Variants in GNA12 observed in about 807,000 individuals in gnomAD.
GNA12 encodes G protein subunit alpha 12.
A neutral mutation model predicts 26.0 loss-of-function variants in GNA12; 9 were observed. The ratio of observed to expected loss-of-function variants is 0.35; its 90% confidence interval spans 0.21 to 0.60. The LOEUF is 0.60. Ranked by LOEUF, GNA12 falls within the 20% of genes least tolerant of loss-of-function variation. The pLI is 0.78. For missense variants in GNA12, 405 were observed against 525.8 expected, an observed-to-expected ratio of 0.77 and a Z score of 2.25; for synonymous variants, 264 against 219.6, an observed-to-expected ratio of 1.20 and a Z score of -1.79.
intron 2 of GNA12, among the ~76,000 whole-genome samples, chr7:2,749,832 T>G (rs1790941322): frequency 6.6e-6 from 1 of 152,002 alleles, no homozygotes; most frequent in Non-Finnish European, 1.5e-5. Context: ...CCACTGAAAT[T>G]AGATTAATAG....
intron 2 of GNA12, among the ~76,000 whole-genome samples, chr7:2,789,158 C>T (rs1444004006): frequency 2.0e-4 from 5 of 24,698 alleles, no homozygotes; most frequent in African/African-American, 5.1e-4. Flanking sequence ...TTTTTTGAGA[C>T]GGAGTCTCGC....
Position 2,809,560 on chromosome 7 carries a change from A to T in GNA12, c.310-14417T>A, listed in dbSNP as rs561708457. 5.3e-5 allele frequency among the ~76,000 whole-genome samples: 8 copies of T among 152,238 alleles called. No homozygotes were observed. In the South Asian group the frequency reaches 1.7e-3, roughly 32 times the overall value. On this transcript the variant is annotated intron_variant, in intron 1 of 3. Coordinates refer to ENST00000275364, the MANE Select transcript of GNA12 (RefSeq NM_007353.3). ...AATGGATCTGAAAATTCCTCCTAAA[A>T]CTACCTCCTTTTCGTATGTCAAAGA...
chr7:2,782,528 G>A (rs1792255631), intron 2 of GNA12, among the ~76,000 whole-genome samples: 1 of 152,150 alleles, frequency 6.6e-6, no homozygotes, highest in African/African-American at 2.4e-5. Flanking sequence ...GCCTGCTGTA[G>A]CTTTTGGGAA....
intron 1 of GNA12, among the ~76,000 whole-genome samples, chr7:2,820,928 A>G (rs569314246): frequency 6.6e-6 from 1 of 152,198 alleles, no homozygotes; most frequent in South Asian, 2.1e-4. Flanking sequence ...TCTGATAGAG[A>G]TGGGATCTCA....
rs549291732 is a variant in GNA12 at position 2,808,268 on chromosome 7, G to A, written c.310-13125C>T. Among the ~76,000 whole-genome samples the A allele has an allele frequency of 2.0e-5, 3 of 152,210 alleles. No individual in the cohort carries two copies. In the South Asian group the frequency reaches 6.2e-4, roughly 32 times the overall value. ...AGTAGTGCTACCCGACACCCACCTA[G>A]AGCAGCGCCTTCAGTGCTTACGGCC... On this transcript the variant is annotated intron_variant, in intron 1 of 3. Coordinates refer to ENST00000275364, the MANE Select transcript of GNA12 (RefSeq NM_007353.3).
At chr7:2,750,277 T>G (rs893829582) in intron 2 of GNA12, among the ~76,000 whole-genome samples, 1 of 152,204 alleles carries the variant, frequency 6.6e-6, no homozygotes, top group Non-Finnish European at 1.5e-5. Flanking sequence ...GACACACTGC[T>G]GCCCCCAAAC....
chr7:2,748,444 A>G (rs1029361390), intron 2 of GNA12, among the ~76,000 whole-genome samples: 4 of 152,272 alleles, frequency 2.6e-5, no homozygotes, highest in Admixed American at 1.3e-4. Flanking sequence ...TGCTGGGAAA[A>G]CTGGCTAGCC....
rs145886062 is a variant in GNA12, at chr7:2,742,614, A to G, written c.526-9113T>C. 8.5e-5 allele frequency among the ~76,000 whole-genome samples: 13 copies of G among 152,206 alleles called. No homozygotes were observed. In the East Asian group the frequency reaches 2.5e-3, roughly 29 times the overall value. On this transcript the variant is annotated intron_variant, in intron 2 of 3. Transcript: ENST00000275364. ...AGTCTCGCCGGCCCTTTGCGTTTCC[A>G]TATTAGTTCTAAAGTCAGCTGTCAA...
intron 3 of GNA12, among the ~76,000 whole-genome samples, chr7:2,733,058 ATT>A (rs1373194012): frequency 6.6e-6 from 1 of 152,196 alleles, no homozygotes; most frequent in Non-Finnish European, 1.5e-5. Flanking sequence ...ACTCTAAAAT[ATT>A]CTCTGCATTT....
rs146423123 is a variant in GNA12 at position 2,816,672 on chromosome 7, T to C, written c.310-21529A>G. On this transcript the variant is annotated intron_variant, in intron 1 of 3. Coordinates refer to ENST00000275364, the MANE Select transcript of GNA12 (RefSeq NM_007353.3). ...ATAATTATCCAGCTCATGCCAGGGT[T>C]TCCTCGGTGGGAAGGGCAGTAGCAG... 9.0e-4 allele frequency among the ~76,000 whole-genome samples: 137 copies of C among 152,368 alleles called. 1 individual carries two copies. In the East Asian group the frequency reaches 0.023, roughly 26 times the overall value.
chr7:2,822,531 C>T (rs1331077540), intron 1 of GNA12, among the ~76,000 whole-genome samples: 3 of 152,166 alleles, frequency 2.0e-5, no homozygotes, highest in African/African-American at 4.8e-5. Flanking sequence ...GCTGCTTGAG[C>T]CCAAGAGCGT....
At position 2,754,272 on chromosome 7, in the gene GNA12, G is replaced by C. The variant is rs151023052; in HGVS notation, c.526-20771C>G. On this transcript the variant is annotated intron_variant, in intron 2 of 3. Coordinates refer to ENST00000275364, the MANE Select transcript of GNA12 (RefSeq NM_007353.3). ...TGTCTTCTCGTGCTTATGTGCCATC[G>C]GCATGTCCTCTTTGGTGAAATCACT... Among the ~76,000 whole-genome samples the C allele has an allele frequency of 2.3e-3, 356 of 152,226 alleles. 1 individual carries two copies. The highest frequency in any genetic ancestry group is 8.2e-3 in the African/African-American group (341 of 41,518).
At chr7:2,790,149 C>T (rs537962731) in intron 2 of GNA12, among the ~76,000 whole-genome samples, 1 of 152,352 alleles carries the variant, frequency 6.6e-6, no homozygotes, top group South Asian at 2.1e-4. Context: ...GTCATTCTAC[C>T]TGCCTTTAGA....
chr7:2,755,569 A>G (rs1396012086), intron 2 of GNA12, among the ~76,000 whole-genome samples: 1 of 152,232 alleles, frequency 6.6e-6, no homozygotes, highest in Admixed American at 6.5e-5. Context: ...CTATAGAAGT[A>G]AAATTTATAT....
intron 2 of GNA12, among the ~76,000 whole-genome samples, chr7:2,775,099 T>C (rs1163582370): frequency 1.3e-5 from 2 of 152,218 alleles, no homozygotes; most frequent in African/African-American, 2.4e-5. Context: ...AGTTTTTGGA[T>C]AGACAATACA....
At chr7:2,843,090 G>A (rs1376009449) in intron 1 of GNA12, among the ~76,000 whole-genome samples, 2 of 150,038 alleles carry the variant, frequency 1.3e-5, no homozygotes, top group Non-Finnish European at 3.0e-5. Context: ...CTGGGCAAGA[G>A]AGTGAGAGCC....
At chr7:2,797,882 C>T (rs1474538675) in intron 1 of GNA12, among the ~76,000 whole-genome samples, 1 of 151,976 alleles carries the variant, frequency 6.6e-6, no homozygotes, top group Non-Finnish European at 1.5e-5. Flanking sequence ...AGTATCTGAC[C>T]CCCAGAAACT....
At chr7:2,769,333 A>G (rs1249976536) in intron 2 of GNA12, among the ~76,000 whole-genome samples, 1 of 152,244 alleles carries the variant, frequency 6.6e-6, no homozygotes, top group Non-Finnish European at 1.5e-5. Context: ...TGCAGAAACC[A>G]TCCTCATGCA....
At chr7:2,787,575 G>A (rs1051715002) in intron 2 of GNA12, among the ~76,000 whole-genome samples, 6 of 152,156 alleles carry the variant, frequency 3.9e-5, no homozygotes, top group Non-Finnish European at 7.4e-5. Flanking sequence ...TGAGCTTTCC[G>A]GGAAACGCCA....
Sources: allele counts gnomAD v4.1 joint callset (sites outside exome capture counted in the v4.1 genomes callset), GRCh38; gene constraint gnomAD v4.1.1; transcripts MANE v1.5; gene names NCBI Gene and HGNC (gene_info 2026-07-23, HGNC 2026-07-21).